RABGAP1L: variants seen among roughly 807,000 people sequenced by gnomAD.
RABGAP1L encodes the protein rab GTPase-activating protein 1-like.
A neutral mutation model predicts 137.7 loss-of-function variants in RABGAP1L; 63 were observed. The ratio of observed to expected loss-of-function variants is 0.46; its 90% CI spans 0.37 to 0.56. The LOEUF is 0.56. Among genes scored for constraint, RABGAP1L ranks in the 20% least tolerant of loss-of-function variants. The probability of loss-of-function intolerance (pLI) is 0.00; values close to 1 mark genes in which losing one functional copy is unlikely to be tolerated. For synonymous variants in RABGAP1L, 431 were observed against 433.7 expected, an observed-to-expected ratio of 0.99 and a Z score of 0.08; for missense variants, 1,095 against 1,244.0, an observed-to-expected ratio of 0.88 and a Z score of 1.80.
chr1:174,278,883 C>A, intron 10 of RABGAP1L, 104 bp downstream of exon 10: 1 of 1,000,878 alleles, frequency 1.0e-6, no homozygotes, highest in Non-Finnish European at 1.4e-6. Context: ...CAATACAATT[C>A]CTCAAAGAAA....
At chr1:174,813,961 A>T (rs1690128473) in intron 19 of RABGAP1L, among the ~76,000 whole-genome samples, 1 of 152,218 alleles carries the variant, frequency 6.6e-6, no homozygotes, top group South Asian at 2.1e-4. Context: ...GTGAAAAGTT[A>T]AAGGTTTTCA....
chr1:174,691,508 T>C (rs1167608077), intron 15 of RABGAP1L, among the ~76,000 whole-genome samples: 1 of 152,196 alleles, frequency 6.6e-6, no homozygotes, highest in Non-Finnish European at 1.5e-5. Flanking sequence ...ATTATGCATG[T>C]GAGGCAGGTA....
Position 174,448,065 on chromosome 1 carries a change from T to A in RABGAP1L, c.1710+53920T>A, listed in dbSNP as rs770177131. On this transcript the variant is annotated intron_variant, in intron 13 of 25. Transcript: ENST00000681986. The surrounding 1 kb of genome is among the most constrained non-coding windows in gnomAD (Gnocchi z 4.2). ...TGTTTAACAGATGCTGGGCAGGGCA[T>A]CTGCTTGCTGTAGCCAAGTCTGCAG... The A allele has an allele frequency of 1.2e-5, 19 of 1,551,542 alleles. No homozygotes were observed. Among genetic ancestry groups the A allele is most frequent in the Non-Finnish European group, 1.7e-5 (19 of 1,140,988 alleles).
chr1:174,451,140 A>T (rs1323133576), intron 13 of RABGAP1L, among the ~76,000 whole-genome samples: 2 of 152,178 alleles, frequency 1.3e-5, no homozygotes, highest in African/African-American at 2.4e-5. Context: ...GTTTATATTT[A>T]TTCTTGTCCC....
At position 174,991,633 on chromosome 1, in the gene RABGAP1L, C is replaced by T. The variant is rs1034418629; in HGVS notation, c.*1632C>T. 6.6e-6 allele frequency: 1 copy of T among 152,178 alleles called. No homozygotes were observed. Among genetic ancestry groups the T allele is most frequent in the Non-Finnish European group, 1.5e-5 (1 of 68,022 alleles). The allele number at this position is 152,178 out of a possible 1,614,324, so 9.4% of individuals were successfully genotyped here. ...GTTATGTTATACTCATCAGATAATA[C>T]TTTTCTTACATAAATCTTTCATTGT... is the stretch of plus-strand genomic sequence containing the variant. On this transcript the variant is annotated 3_prime_UTR_variant, in exon 26 of 26. Transcript: ENST00000681986.
intron 13 of RABGAP1L, among the ~76,000 whole-genome samples, chr1:174,460,876 A>G (rs1656612864): frequency 6.6e-6 from 1 of 152,086 alleles, no homozygotes; most frequent in Non-Finnish European, 1.5e-5. Context: ...AGATGGATGG[A>G]TGGATGGATG....
At chr1:174,403,526 G>A (rs1648894441) in intron 13 of RABGAP1L, among the ~76,000 whole-genome samples, 1 of 151,802 alleles carries the variant, frequency 6.6e-6, no homozygotes, top group South Asian at 2.1e-4. Context: ...GTATCTACCG[G>A]GATTTTTGTG....
chr1:174,708,492 G>A (rs1223900723), intron 17 of RABGAP1L, among the ~76,000 whole-genome samples: 2 of 152,142 alleles, frequency 1.3e-5, no homozygotes, highest in African/African-American at 4.8e-5. Flanking sequence ...GCCCATGAAG[G>A]ATTAACAGAA....
chr1:174,534,612 A>G (rs1475322541), intron 13 of RABGAP1L, among the ~76,000 whole-genome samples: 6 of 151,676 alleles, frequency 4.0e-5, no homozygotes, highest in Admixed American at 1.3e-4. Context: ...CCCCGTCTCT[A>G]CTAAATACAA....
chr1:174,402,177 T>C (rs147283634), intron 13 of RABGAP1L, among the ~76,000 whole-genome samples: 156 of 152,258 alleles, frequency 1.0e-3, no homozygotes, highest in African/African-American at 3.5e-3. Context: ...TTCTGTAATA[T>C]GATTCCCATT....
intron 19 of RABGAP1L, among the ~76,000 whole-genome samples, chr1:174,891,729 G>A (rs920548791): frequency 3.3e-5 from 5 of 152,030 alleles, no homozygotes; most frequent in East Asian, 3.9e-4. Context: ...GGTCTTGAAC[G>A]CCTGGCTTCA....
At chr1:174,346,350 A>T (rs77586561) in intron 11 of RABGAP1L, among the ~76,000 whole-genome samples, 10,653 of 152,198 alleles carry the variant, frequency 0.07, 481 homozygotes, top group East Asian at 0.24. Context: ...GGTAAAGTTC[A>T]GTGATGAAGC....
intron 19 of RABGAP1L, among the ~76,000 whole-genome samples, chr1:174,815,144 C>T (rs965414791): frequency 2.0e-5 from 3 of 152,190 alleles, no homozygotes; most frequent in Admixed American, 6.5e-5. Context: ...ACCACCTCCC[C>T]GTTCCCCACT....
chr1:174,608,286 T>C (rs2148197563), intron 13 of RABGAP1L, among the ~76,000 whole-genome samples: 1 of 152,266 alleles, frequency 6.6e-6, no homozygotes, highest in Middle Eastern at 3.4e-3. Flanking sequence ...ATAATAATTA[T>C]TCAACAAATA....
intron 13 of RABGAP1L, among the ~76,000 whole-genome samples, chr1:174,450,125 A>G (rs1022296498): frequency 2.0e-5 from 3 of 152,104 alleles, no homozygotes; most frequent in Non-Finnish European, 2.9e-5. Flanking sequence ...TGCTATAGTA[A>G]AGCTTTGTTT....
In RABGAP1L at chr1:174,852,058, A is replaced by G. The variant is rs565794386; in HGVS notation, c.2340+40098A>G. Among the ~76,000 whole-genome samples, 10 of 152,316 alleles carry G rather than the reference A, an allele frequency of 6.6e-5. No homozygotes were observed. In the South Asian group the frequency reaches 1.9e-3, roughly 28 times the overall value. The stretch of plus-strand genomic sequence containing the variant: ...TAGTTTACCTTTTAAGTTGCTATAC[A>G]CTAGAACTTACCTTTCAATTAATTC... On this transcript the variant is annotated intron_variant, in intron 19 of 25. Coordinates refer to ENST00000681986, the MANE Select transcript of RABGAP1L (RefSeq NM_001366446.1).
rs577744255 is a variant in RABGAP1L, at chr1:174,354,386, G to A, written c.1466-16593G>A. 9.2e-5 allele frequency among the ~76,000 whole-genome samples: 14 copies of A among 152,042 alleles called. No homozygotes were observed. The South Asian group carries it at 2.3e-3, about 25-fold the overall frequency. On this transcript the variant is annotated intron_variant, in intron 11 of 25. Coordinates refer to ENST00000681986, the MANE Select transcript of RABGAP1L (RefSeq NM_001366446.1). ...TTCTAATTGATTGGCTGCCTTATAA[G>A]AAGCTGTTCTTTGAATAATATGTTT...
intron 19 of RABGAP1L, among the ~76,000 whole-genome samples, chr1:174,894,403 G>C (rs1226407258): frequency 6.6e-6 from 1 of 152,146 alleles, no homozygotes; most frequent in African/African-American, 2.4e-5. Flanking sequence ...TTATTGACTT[G>C]AACTCTTCAA....
chr1:174,627,218 T>C (rs1186935539), intron 13 of RABGAP1L, among the ~76,000 whole-genome samples: 1 of 152,220 alleles, frequency 6.6e-6, no homozygotes, highest in Non-Finnish European at 1.5e-5. Flanking sequence ...ATATTACTTT[T>C]ACACTTCAGC....
Sources: allele counts gnomAD v4.1 joint callset (sites outside exome capture counted in the v4.1 genomes callset), GRCh38; gene constraint gnomAD v4.1.1; non-coding constraint Gnocchi (gnomAD v3.1); transcripts MANE v1.5; gene names NCBI Gene and HGNC (gene_info 2026-07-23, HGNC 2026-07-21).